TF: variants seen among roughly 807,000 people sequenced by gnomAD.
TF encodes the protein serotransferrin.
TF carries 55 observed loss-of-function variants against 82.4 expected under a neutral mutation model. The observed-to-expected ratio is 0.67, with a 90% CI of 0.54 to 0.84. The LOEUF is 0.84. Among genes scored for constraint, TF ranks in the 40% least tolerant of loss-of-function variants. The pLI is 0.00. For synonymous variants in TF, 332 were observed against 332.6 expected (o/e 1.00, Z 0.02); for missense variants, 737 against 868.4 (o/e 0.85, Z 1.90).
At chr3:133,747,970 C>T (rs1401939234) in intron 1 of TF, among the ~76,000 whole-genome samples, 2 of 152,054 alleles carry the variant, frequency 1.3e-5, no homozygotes, top group Non-Finnish European at 2.9e-5. Flanking sequence ...AGTCTCACTC[C>T]CTCTTCTCAA....
chr3:133,735,329 G>A, the TF span, among the ~76,000 whole-genome samples: 121 of 130,072 alleles, frequency 9.3e-4, no homozygotes, highest in Admixed American at 5.9e-4. Context: ...AACTGAGCAA[G>A]ACTCCATCCC....
At chr3:133,682,006 C>T in the TF span, among the ~76,000 whole-genome samples, 1 of 152,280 alleles carries the variant, frequency 6.6e-6, no homozygotes, top group South Asian at 2.1e-4. Flanking sequence ...ACGAAGCTTC[C>T]AGAGGAATGA....
At chr3:133,742,586 G>A (rs1332457004), upstream of TF, among the ~76,000 whole-genome samples, 1 of 152,114 alleles carries the variant, frequency 6.6e-6, no homozygotes, top group Non-Finnish European at 1.5e-5. Context: ...CCGACCCAGC[G>A]GGCTTGCAGG....
intron 2 of TF, among the ~76,000 whole-genome samples, chr3:133,751,296 G>A (rs1348713215): frequency 6.9e-6 from 1 of 144,424 alleles, no homozygotes; most frequent in East Asian, 2.1e-4. Context: ...GCAGTGGCGC[G>A]ATCTCGACTC....
intron 15 of TF, 120 bp from the exon 16 acceptor site, chr3:133,776,929 A>G (rs972278100): frequency 3.3e-6 from 3 of 898,054 alleles, no homozygotes; most frequent in South Asian, 1.4e-5. Flanking sequence ...TTCCCAAGAC[A>G]TACTCCGTAG....
intron 2 of TF, among the ~76,000 whole-genome samples, chr3:133,749,594 G>A (rs557491559): frequency 6.6e-6 from 1 of 152,322 alleles, no homozygotes; most frequent in South Asian, 2.1e-4. Context: ...ATCTCTCTGA[G>A]AGAGATGTAA....
intron 9 of TF, chr3:133,761,711 G>A (rs1193774754): frequency 2.0e-5 from 3 of 152,268 alleles, no homozygotes; most frequent in African/African-American, 4.8e-5. Flanking sequence ...ACTGGATTGT[G>A]TGACAGCTTT....
the TF span, among the ~76,000 whole-genome samples, chr3:133,710,584 A>G: frequency 6.6e-6 from 1 of 151,996 alleles, no homozygotes; most frequent in African/African-American, 2.4e-5. Context: ...TTCTCTTAAC[A>G]TCCCCCTGCC....
In TF at chr3:133,754,785, G is replaced by GA. The variant is rs1445290214; in HGVS notation, c.502+117dup. 3 of 1,208,322 alleles carry GA rather than the reference G, an allele frequency of 2.5e-6. No individual in the cohort carries two copies. In the Admixed American group the frequency reaches 5.1e-5, roughly 20 times the overall value. 74.9% of individuals were successfully genotyped at this position (1,208,322 alleles called of 1,614,324 possible). Reference sequence around the variant, plus strand: ...ACATGTGGGATGAACTCAGGTGGGGGAAAGAGGTTAACAGACTTTAAACTG... The same window carrying GA: ...ACATGTGGGATGAACTCAGGTGGGGGAAAAGAGGTTAACAGACTTTAAACTG... On this transcript the variant is annotated intron_variant, in intron 4 of 16. Coordinates refer to ENST00000402696, the MANE Select transcript of TF (RefSeq NM_001063.4).
chr3:133,675,638 C>G, the TF span, among the ~76,000 whole-genome samples: 1 of 152,180 alleles, frequency 6.6e-6, no homozygotes. Flanking sequence ...GTAAAATTAG[C>G]CTTCGAGTCA....
intron 8 of TF, 61 bp from the exon 9 acceptor site, chr3:133,759,114 T>C: frequency 3.7e-6 from 6 of 1,607,802 alleles, no homozygotes; most frequent in Non-Finnish European, 5.1e-6. Context: ...TGAGTAGTGC[T>C]GACAAACACC....
chr3:133,674,500 C>T, the TF span, among the ~76,000 whole-genome samples: 14 of 152,244 alleles, frequency 9.2e-5, no homozygotes, highest in African/African-American at 3.4e-4. Flanking sequence ...GGGCTATCAG[C>T]CCTGGTGGGC....
At chr3:133,741,825 T>C (rs1207307341), upstream of TF, among the ~76,000 whole-genome samples, 1 of 152,236 alleles carries the variant, frequency 6.6e-6, no homozygotes, top group African/African-American at 2.4e-5. Flanking sequence ...TTGCTAATCT[T>C]TTGTGTAGAA....
the TF span, among the ~76,000 whole-genome samples, chr3:133,668,485 A>G: frequency 6.6e-6 from 1 of 152,158 alleles, no homozygotes; most frequent in Non-Finnish European, 1.5e-5. Flanking sequence ...ATACTGACCA[A>G]TGATGGCTAT....
Position 133,788,853 on chromosome 3 carries a change from C to T in TF, c.*10233C>T, listed in dbSNP as rs914948138. ...TTCAGGCGACGGAAACCCTACTTGA[C>T]TGGCTAAGGACAAAAGAAGCCTACT... On this transcript the variant is annotated 3_prime_UTR_variant, in exon 17 of 17. Coordinates refer to ENST00000402696, the MANE Select transcript of TF (RefSeq NM_001063.4). 2.6e-5 allele frequency: 4 copies of T among 152,290 alleles called. No individual in the cohort carries two copies. Among genetic ancestry groups the T allele is most frequent in the Non-Finnish European group, 4.4e-5 (3 of 68,102 alleles). The allele number at this position is 152,290 out of a possible 1,614,324, so 9.4% of individuals were successfully genotyped here.
chr3:133,730,789 C>T, the TF span, among the ~76,000 whole-genome samples: 25 of 152,194 alleles, frequency 1.6e-4, no homozygotes, highest in African/African-American at 6.0e-4. Flanking sequence ...TTTGTGCATT[C>T]ATAGCTTCAG....
intron 2 of TF, among the ~76,000 whole-genome samples, chr3:133,749,927 G>A (rs2107908836): frequency 6.6e-6 from 1 of 152,286 alleles, no homozygotes; most frequent in South Asian, 2.1e-4. Flanking sequence ...AAGGTAGAAA[G>A]GGCTGGTCAG....
the TF span, among the ~76,000 whole-genome samples, chr3:133,702,923 A>G: frequency 1.3e-5 from 2 of 152,168 alleles, no homozygotes; most frequent in Non-Finnish European, 2.9e-5. Flanking sequence ...CTCAGTACAT[A>G]TAACATTGCC....
At chr3:133,703,098 A>G in the TF span, among the ~76,000 whole-genome samples, 1 of 152,308 alleles carries the variant, frequency 6.6e-6, no homozygotes, top group South Asian at 2.1e-4. Context: ...CAGTGTTTAT[A>G]TTTGAGTTAT....
Sources: gnomAD v4.1 joint callset for allele counts (sites outside exome capture counted in the v4.1 genomes callset) on GRCh38, gnomAD v4.1.1 for gene constraint, MANE v1.5 for transcripts, NCBI Gene and HGNC (gene_info 2026-07-23, HGNC 2026-07-21) for gene names.